PIEZO2: variants seen among roughly 807,000 people sequenced by gnomAD.
PIEZO2 encodes piezo-type mechanosensitive ion channel component 2.
Under a neutral mutation model 337.3 loss-of-function variants are expected in PIEZO2, and 172 were observed. The observed-to-expected ratio is 0.51, with a 90% CI of 0.45 to 0.58. PIEZO2 has a LOEUF of 0.58. PIEZO2 is among the 20% of genes least tolerant of loss of function. PIEZO2 has a pLI of 0.00. For synonymous variants in PIEZO2, 1,251 were observed against 1,228.5 expected, an observed-to-expected ratio of 1.02 and a Z score of -0.38; for missense variants, 3,028 against 3,391.3, an observed-to-expected ratio of 0.89 and a Z score of 2.66.
intron 3 of PIEZO2, among the ~76,000 whole-genome samples, chr18:10,950,508 G>A (rs75517825): frequency 2.0e-5 from 3 of 152,204 alleles, no homozygotes; most frequent in African/African-American, 7.2e-5. Context: ...TCTGATCACC[G>A]GGTGAATATT....
chr18:10,698,068 C>T (rs962957695), intron 44 of PIEZO2, among the ~76,000 whole-genome samples, 188 bp from the exon 45 acceptor site: 5 of 152,234 alleles, frequency 3.3e-5, no homozygotes, highest in African/African-American at 1.2e-4. Context: ...GGGTTTAACA[C>T]CCCATGGTGG....
chr18:11,101,571 T>C lies in PIEZO2; in HGVS notation c.65-35349A>G, dbSNP rs551557796. 3.3e-5 allele frequency among the ~76,000 whole-genome samples: 5 copies of C among 152,310 alleles called. No individual in the cohort carries two copies. The highest frequency in any genetic ancestry group is 9.6e-5 in the African/African-American group (4 of 41,560). On this transcript the variant is annotated intron_variant, in intron 1 of 55. Transcript: ENST00000674853. This position sits in a 1 kb window ranked among gnomAD's most constrained non-coding sequence, Gnocchi z 4.4. Reference sequence around the variant, plus strand: ...ATAATTCTTAAAAGACGTTCCAGTGTAGAGGTGTTGAAATTTTTAAGTGAG... The same window carrying C: ...ATAATTCTTAAAAGACGTTCCAGTGCAGAGGTGTTGAAATTTTTAAGTGAG...
At chr18:10,880,560 A>C (rs978026578) in intron 4 of PIEZO2, among the ~76,000 whole-genome samples, 10 of 152,046 alleles carry the variant, frequency 6.6e-5, no homozygotes, top group Non-Finnish European at 1.2e-4. Flanking sequence ...TTTGGGGGCA[A>C]ATCAGAGTTG....
Position 10,707,265 on chromosome 18 carries a change from C to A in PIEZO2, c.5588+1010G>T, listed in dbSNP as rs1404174019. 6.6e-6 allele frequency among the ~76,000 whole-genome samples: 1 copy of A among 152,190 alleles called. No individual in the cohort carries two copies. The highest frequency in any genetic ancestry group is 1.9e-4 in the East Asian group (1 of 5,194). ...ATGGCCAGTAAGACTGTCATCAGTC[C>A]TAATCATGCTCCCTTTGGTTTGGAT... On this transcript the variant is annotated intron_variant, in intron 40 of 55. Coordinates refer to ENST00000674853, the MANE Select transcript of PIEZO2 (RefSeq NM_001378183.1). This position sits in a 1 kb window ranked among gnomAD's most constrained non-coding sequence, Gnocchi z 4.2.
chr18:10,805,211 TAA>T (rs2039960408), intron 8 of PIEZO2, among the ~76,000 whole-genome samples: 4 of 152,290 alleles, frequency 2.6e-5, no homozygotes, highest in African/African-American at 9.6e-5. Flanking sequence ...CCATAATGTA[TAA>T]GAGTTTGTTC....
At position 10,972,816 on chromosome 18, in the gene PIEZO2, T is replaced by G. The variant is rs115547812; in HGVS notation, c.286+6719A>C. On this transcript the variant is annotated intron_variant, in intron 3 of 55. Coordinates refer to ENST00000674853, the MANE Select transcript of PIEZO2 (RefSeq NM_001378183.1). ...GACCTTGGGCAAGAATTAGGACTTC[T>G]CTAATAACAGCAACAACATGAACAA... Among the ~76,000 whole-genome samples the G allele has an allele frequency of 2.5e-3, 386 of 152,272 alleles. 2 individuals carry two copies. Among genetic ancestry groups the G allele is most frequent in the African/African-American group, 8.7e-3 (360 of 41,542 alleles).
chr18:10,782,486 T>G (rs2039062131), intron 17 of PIEZO2, among the ~76,000 whole-genome samples: 1 of 130,626 alleles, frequency 7.7e-6, no homozygotes, highest in Non-Finnish European at 1.6e-5. Flanking sequence ...TATATTATAT[T>G]AAATATTATA....
chr18:11,124,428 T>C (rs752894190), intron 1 of PIEZO2, among the ~76,000 whole-genome samples: 2 of 152,164 alleles, frequency 1.3e-5, no homozygotes, highest in African/African-American at 2.4e-5. Flanking sequence ...CACTGTGCAA[T>C]AGTAAAAAGA....
In PIEZO2 at chr18:10,736,640, C is replaced by T; in HGVS notation, c.4779G>A (p.Lys1593=). 1 of 1,537,118 alleles carries T rather than the reference C, an allele frequency of 6.5e-7. No individual in the cohort carries two copies. Among genetic ancestry groups the T allele is most frequent in the Non-Finnish European group, 8.7e-7 (1 of 1,146,860 alleles). Reference sequence around the variant, plus strand: ...ACCTTCGTGGAGGTTCTTCATCTTCCTTCTTTAATTCTTCCTCTTCCTCCT... The same window carrying T: ...ACCTTCGTGGAGGTTCTTCATCTTCTTTCTTTAATTCTTCCTCTTCCTCCT... The part of the protein sequence containing the change: ...SEEEEEEELK[K]EDEEPPRRSA... The change falls in exon 34 of 56, where the codon AAG becomes AAA. Residue 1593 remains lysine (K), a synonymous_variant. Transcript: ENST00000674853.
intron 49 of PIEZO2, among the ~76,000 whole-genome samples, chr18:10,687,350 T>C (rs1411086981): frequency 1.3e-5 from 2 of 152,092 alleles, no homozygotes; most frequent in Non-Finnish European, 2.9e-5. Flanking sequence ...CCATGTGTTC[T>C]CATCATTCAG....
intron 7 of PIEZO2, among the ~76,000 whole-genome samples, chr18:10,843,086 T>C (rs2041245101): frequency 1.3e-5 from 2 of 152,244 alleles, no homozygotes; most frequent in Non-Finnish European, 2.9e-5. Flanking sequence ...TATCTTGGTA[T>C]ATTTATTCTC....
At chr18:11,084,851 A>G (rs532308145) in intron 1 of PIEZO2, among the ~76,000 whole-genome samples, 1 of 152,294 alleles carries the variant, frequency 6.6e-6, no homozygotes, top group East Asian at 1.9e-4. Flanking sequence ...CCTTTGCCTC[A>G]ACAAGTTGTT....
intron 3 of PIEZO2, among the ~76,000 whole-genome samples, chr18:10,936,856 G>C (rs574332406): frequency 2.0e-5 from 3 of 152,182 alleles, no homozygotes; most frequent in Non-Finnish European, 2.9e-5. Flanking sequence ...TGTGCAGCTC[G>C]TCTGGCAGGA....
chr18:10,716,242 A>G lies in PIEZO2; in HGVS notation c.5090-426T>C, dbSNP rs904618321. The stretch of plus-strand genomic sequence containing the variant: ...CTGCCACCCCTAATACAGAAAAACC[A>G]ACCCCTCTTCTTCCTCCTCCTCCTC... On this transcript the variant is annotated intron_variant, in intron 37 of 55. Transcript: ENST00000674853. The surrounding 1 kb of genome is among the most constrained non-coding windows in gnomAD (Gnocchi z 4.1). Among the ~76,000 whole-genome samples the G allele has an allele frequency of 3.3e-5, 5 of 152,154 alleles. No homozygotes were observed. The highest frequency in any genetic ancestry group is 1.2e-4 in the African/African-American group (5 of 41,432).
intron 54 of PIEZO2, among the ~76,000 whole-genome samples, 192 bp downstream of exon 54, chr18:10,675,017 G>A (rs911059624): frequency 8.5e-5 from 13 of 152,182 alleles, no homozygotes; most frequent in African/African-American, 3.1e-4. Context: ...AAGAGAAAAT[G>A]AAGAATGTGG....
intron 47 of PIEZO2, among the ~76,000 whole-genome samples, chr18:10,694,596 C>T (rs2035001247): frequency 6.6e-6 from 1 of 152,082 alleles, no homozygotes; most frequent in Non-Finnish European, 1.5e-5. Flanking sequence ...TTTGGGAGGC[C>T]CAGGCAGGAG....
At position 10,724,833 on chromosome 18, in the gene PIEZO2, C is replaced by T; in HGVS notation, c.5029+6574G>A. On this transcript the variant is annotated intron_variant, in intron 36 of 55. Transcript: ENST00000674853. This position sits in a 1 kb window ranked among gnomAD's most constrained non-coding sequence, Gnocchi z 5.8. ...AGTCGTTCTCACAGATGCACCTGGG[C>T]CACGGCGGCCACATGCGTCGCAGTG... 6.3e-7 allele frequency: 1 copy of T among 1,597,314 alleles called. No individual in the cohort carries two copies. The highest frequency in any genetic ancestry group is 8.5e-7 in the Non-Finnish European group (1 of 1,171,118).
chr18:10,927,004 G>GAA (rs1381601314), intron 3 of PIEZO2, among the ~76,000 whole-genome samples: 1 of 152,174 alleles, frequency 6.6e-6, no homozygotes, highest in Non-Finnish European at 1.5e-5. Flanking sequence ...GAATACAAAT[G>GAA]TCTTACTCAT....
rs752593365 is a variant in PIEZO2, at chr18:11,143,730, A to G, written c.64+4795T>C. Among the ~76,000 whole-genome samples, 1 of 150,094 alleles carries G rather than the reference A, an allele frequency of 6.7e-6. No individual in the cohort carries two copies. The highest frequency in any genetic ancestry group is 1.5e-5 in the Non-Finnish European group (1 of 67,726). On this transcript the variant is annotated intron_variant, in intron 1 of 55. Coordinates refer to ENST00000674853, the MANE Select transcript of PIEZO2 (RefSeq NM_001378183.1). The surrounding 1 kb of genome is among the most constrained non-coding windows in gnomAD (Gnocchi z 4.9). ...AAGGCACTAAGTTGCCTTCCCGTGA[A>G]TCCCACATCCTCAGATCAGCCTTCT...
Sources: gnomAD v4.1 joint callset for allele counts (sites outside exome capture counted in the v4.1 genomes callset) on GRCh38, gnomAD v4.1.1 for gene constraint, Gnocchi (gnomAD v3.1) non-coding constraint, MANE v1.5 for transcripts, NCBI Gene and HGNC (gene_info 2026-07-23, HGNC 2026-07-21) for gene names.